RTN1: variants seen among roughly 807,000 people sequenced by gnomAD.
RTN1 encodes reticulon-1.
RTN1 carries 25 observed loss-of-function variants against 65.5 expected under a neutral mutation model. The observed-to-expected ratio is 0.38, with a 90% CI of 0.28 to 0.53. The LOEUF is 0.53. Among genes scored for constraint, RTN1 ranks in the 20% least tolerant of loss-of-function variants. The pLI is 0.79. For synonymous variants in RTN1, 471 were observed against 447.6 expected (o/e 1.05, Z -0.66); for missense variants, 983 against 1,025.4 (o/e 0.96, Z 0.57).
chr14:59,749,627 A>ATATATAGATATCTATATATATT (rs1364378158), intron 1 of RTN1, among the ~76,000 whole-genome samples: 4 of 43,726 alleles, frequency 9.1e-5, no homozygotes, highest in South Asian at 5.7e-4. Context: ...ATAGATATCT[A>ATATATAGATATCTATATATATT]TATATAGATA....
At chr14:59,820,089 G>C (rs943857492) in intron 1 of RTN1, among the ~76,000 whole-genome samples, 1 of 152,228 alleles carries the variant, frequency 6.6e-6, no homozygotes, top group Non-Finnish European at 1.5e-5. Context: ...CTAGCAAGTT[G>C]TCACCTCTCA....
Position 59,716,878 on chromosome 14 carries a change from G to C in RTN1, c.1765+10041C>G, listed in dbSNP as rs1594696231. 4.6e-5 allele frequency among the ~76,000 whole-genome samples: 7 copies of C among 151,608 alleles called. No individual in the cohort carries two copies. In the South Asian group the frequency reaches 1.5e-3, roughly 32 times the overall value. On this transcript the variant is annotated intron_variant, in intron 3 of 8. Coordinates refer to ENST00000267484, the MANE Select transcript of RTN1 (RefSeq NM_021136.3). ...AGCTACTCGGGAGGCTGAGGCAGGA[G>C]AATGGCGTGAACCCAGGAGGCGGAG...
intron 1 of RTN1, among the ~76,000 whole-genome samples, chr14:59,814,390 G>C (rs1886782695): frequency 6.6e-6 from 1 of 152,214 alleles, no homozygotes; most frequent in South Asian, 2.1e-4. Context: ...CATATTGGCA[G>C]TGAGGGCTGA....
At chr14:59,751,191 CT>C (rs34021179) in intron 1 of RTN1, among the ~76,000 whole-genome samples, 1,835 of 90,776 alleles carry the variant, frequency 0.02, 11 homozygotes, top group African/African-American at 0.063. Flanking sequence ...CTCATTATAC[CT>C]TTTTTTTTTT....
At chr14:59,660,325 G>T (rs1883217570) in intron 3 of RTN1, among the ~76,000 whole-genome samples, 1 of 152,100 alleles carries the variant, frequency 6.6e-6, no homozygotes, top group African/African-American at 2.4e-5. Context: ...ATATCAAACA[G>T]ATCAATGACA....
At chr14:59,768,103 C>A (rs568993988) in intron 1 of RTN1, among the ~76,000 whole-genome samples, 2 of 152,202 alleles carry the variant, frequency 1.3e-5, no homozygotes, top group East Asian at 3.9e-4. Context: ...ATGGCATTAC[C>A]AAATGTCTAC....
rs566302962 is a variant in RTN1, at chr14:59,732,509, G to A, written c.1016-4841C>T. Among the ~76,000 whole-genome samples, 54 of 152,286 alleles carry A rather than the reference G, an allele frequency of 3.5e-4. 1 individual carries two copies. In the South Asian group the frequency reaches 0.011, roughly 31 times the overall value. Reference sequence around the variant, plus strand: ...ACCCAGAAGCAACACAAAGCCAAGGGAACCCCCCTGCCTCCCAGCCAAGGG... The same window carrying A: ...ACCCAGAAGCAACACAAAGCCAAGGAAACCCCCCTGCCTCCCAGCCAAGGG... On this transcript the variant is annotated intron_variant, in intron 2 of 8. Coordinates refer to ENST00000267484, the MANE Select transcript of RTN1 (RefSeq NM_021136.3).
intron 1 of RTN1, among the ~76,000 whole-genome samples, chr14:59,758,919 A>C (rs946302803): frequency 2.0e-5 from 3 of 152,216 alleles, no homozygotes; most frequent in Non-Finnish European, 2.9e-5. Flanking sequence ...GGACATTCTC[A>C]TATGTACATA....
chr14:59,869,761 C>T lies in RTN1; in HGVS notation c.241+629G>A, dbSNP rs574060513. ...TTTTGGGCGGGGGCAGCCACAGCAC[C>T]CAACCCTCTTGCAAAGCTGTGCCTC... On this transcript the variant is annotated intron_variant, in intron 1 of 8. Coordinates refer to ENST00000267484, the MANE Select transcript of RTN1 (RefSeq NM_021136.3). Among the ~76,000 whole-genome samples the T allele has an allele frequency of 2.6e-5, 4 of 152,286 alleles. No homozygotes were observed. In the South Asian group the frequency reaches 8.3e-4, roughly 32 times the overall value.
At chr14:59,752,997 G>A (rs937797246) in intron 1 of RTN1, among the ~76,000 whole-genome samples, 4 of 152,150 alleles carry the variant, frequency 2.6e-5, no homozygotes, top group African/African-American at 4.8e-5. Context: ...AGTTGGATGA[G>A]ACAACTGCAG....
chr14:59,782,074 C>A (rs1886165483), intron 1 of RTN1, among the ~76,000 whole-genome samples: 1 of 152,094 alleles, frequency 6.6e-6, no homozygotes, highest in South Asian at 2.1e-4. Flanking sequence ...GCTAGCTAGT[C>A]CCTTCCACAA....
At chr14:59,615,386 T>C (rs571805996) in intron 3 of RTN1, among the ~76,000 whole-genome samples, 1 of 152,104 alleles carries the variant, frequency 6.6e-6, no homozygotes, top group Admixed American at 6.5e-5. Context: ...GAGGTGGAGG[T>C]TGCGATGAAC....
At chr14:59,840,143 G>A (rs750598012) in intron 1 of RTN1, among the ~76,000 whole-genome samples, 40 of 152,076 alleles carry the variant, frequency 2.6e-4, no homozygotes, top group Non-Finnish European at 1.0e-4. Flanking sequence ...GCCTATCCTG[G>A]TTTAAAACAC....
intron 3 of RTN1, among the ~76,000 whole-genome samples, chr14:59,724,512 C>A (rs1426453172): frequency 6.6e-6 from 1 of 152,228 alleles, no homozygotes; most frequent in East Asian, 1.9e-4. Context: ...CCGGACCTCA[C>A]TGTTGCCAGG....
intron 1 of RTN1, among the ~76,000 whole-genome samples, chr14:59,782,922 G>A (rs1231866313): frequency 6.6e-6 from 1 of 152,104 alleles, no homozygotes; most frequent in East Asian, 1.9e-4. Flanking sequence ...TGCAGTCTAT[G>A]TTGAGTGATC....
At chr14:59,696,893 G>GA (rs369662585) in intron 3 of RTN1, among the ~76,000 whole-genome samples, 1 of 151,320 alleles carries the variant, frequency 6.6e-6, no homozygotes, top group African/African-American at 2.4e-5. Flanking sequence ...TCATAGGGGG[G>GA]AAAAAAAACA....
At chr14:59,600,087 G>A (rs771846797) in intron 8 of RTN1, among the ~76,000 whole-genome samples, 6 of 152,106 alleles carry the variant, frequency 3.9e-5, no homozygotes, top group Non-Finnish European at 7.4e-5. Context: ...TCTAAGAAGT[G>A]TTATTATGCA....
intron 3 of RTN1, among the ~76,000 whole-genome samples, chr14:59,675,319 G>A (rs1883601171): frequency 6.6e-6 from 1 of 152,064 alleles, no homozygotes; most frequent in South Asian, 2.1e-4. Flanking sequence ...TGCATGTGGA[G>A]AGTCTTTTAG....
chr14:59,862,414 A>T (rs1024176625), intron 1 of RTN1, among the ~76,000 whole-genome samples: 1 of 152,066 alleles, frequency 6.6e-6, no homozygotes, highest in African/African-American at 2.4e-5. Context: ...ACTCCATCTC[A>T]GTTTTCCACT....
Sources: allele counts gnomAD v4.1 joint callset (sites outside exome capture counted in the v4.1 genomes callset), GRCh38; gene constraint gnomAD v4.1.1; transcripts MANE v1.5; gene names NCBI Gene and HGNC (gene_info 2026-07-23, HGNC 2026-07-21).